ASIC2: variants seen among roughly 807,000 people sequenced by gnomAD.
ASIC2 encodes the protein acid sensing ion channel subunit 2.
In ASIC2, 25 loss-of-function variants were observed where a neutral mutation model predicts 57.3. The observed-to-expected ratio is 0.44, with a 90% CI of 0.32 to 0.61. The LOEUF is 0.61. ASIC2 is among the 20% of genes least tolerant of loss of function. ASIC2 has a pLI of 0.06. For synonymous variants in ASIC2, 319 were observed against 307.5 expected, an observed-to-expected ratio of 1.04 and a Z score of -0.39; for missense variants, 641 against 738.1, an observed-to-expected ratio of 0.87 and a Z score of 1.52.
At chr17:33,976,131 C>T (rs1905376538) in intron 1 of ASIC2, among the ~76,000 whole-genome samples, 1 of 148,876 alleles carries the variant, frequency 6.7e-6, no homozygotes, top group Non-Finnish European at 1.5e-5. Context: ...ATTAATACCC[C>T]ATTTACAGAT....
intron 1 of ASIC2, among the ~76,000 whole-genome samples, chr17:33,456,327 A>G (rs1001657196): frequency 6.6e-6 from 1 of 151,584 alleles, no homozygotes; most frequent in Admixed American, 6.6e-5. Flanking sequence ...ACCAGCCCCC[A>G]ATATCTCTTA....
chr17:33,769,843 C>T (rs567691609), intron 1 of ASIC2, among the ~76,000 whole-genome samples: 1 of 152,350 alleles, frequency 6.6e-6, no homozygotes, highest in East Asian at 1.9e-4. Context: ...CATCTTCTCA[C>T]TGTGTCCTCA....
chr17:33,615,243 G>T (rs981936238), intron 1 of ASIC2, among the ~76,000 whole-genome samples: 1 of 152,132 alleles, frequency 6.6e-6, no homozygotes, highest in Admixed American at 6.5e-5. Flanking sequence ...ATTTCAATGT[G>T]CATTGCCAAT....
At chr17:33,028,493 C>A in intron 3 of ASIC2, 101 bp from the exon 4 acceptor site, 1 of 1,423,356 alleles carries the variant, frequency 7.0e-7, no homozygotes, top group Admixed American at 2.0e-5. Context: ...CATTTAAATA[C>A]CATTAACTTT....
intron 1 of ASIC2, among the ~76,000 whole-genome samples, chr17:34,065,337 C>A (rs564581240): frequency 5.3e-5 from 8 of 151,780 alleles, no homozygotes; most frequent in Non-Finnish European, 1.2e-4. Flanking sequence ...GAGGATGCAA[C>A]GGATGTTGGG....
chr17:33,415,444 T>A (rs1460038592), intron 1 of ASIC2, among the ~76,000 whole-genome samples: 1 of 152,234 alleles, frequency 6.6e-6, no homozygotes, highest in Non-Finnish European at 1.5e-5. Flanking sequence ...TATTTTTGAA[T>A]ATTTTAATCT....
At chr17:34,047,324 T>C (rs558125322) in intron 1 of ASIC2, among the ~76,000 whole-genome samples, 5 of 152,060 alleles carry the variant, frequency 3.3e-5, no homozygotes, top group Non-Finnish European at 7.4e-5. Flanking sequence ...TCAACCTTCA[T>C]GAAGCCTACA....
rs577586592 is a variant in ASIC2 at position 33,137,251 on chromosome 17, C to T, written c.709-25184G>A. ...TGCTGTGGTCTAATAGGTTAGAAAACGCTGGGCTAGCTAGGGTTAAAGATG... is the reference window on the plus strand; with the variant it reads ...TGCTGTGGTCTAATAGGTTAGAAAATGCTGGGCTAGCTAGGGTTAAAGATG... On this transcript the variant is annotated intron_variant, in intron 1 of 9. Transcript: ENST00000225823. Among the ~76,000 whole-genome samples the T allele has an allele frequency of 6.6e-5, 10 of 152,274 alleles. No individual in the cohort carries two copies. In the South Asian group the frequency reaches 8.3e-4, roughly 13 times the overall value.
chr17:33,666,904 AT>A (rs1301233594), intron 1 of ASIC2, among the ~76,000 whole-genome samples: 7 of 152,212 alleles, frequency 4.6e-5, no homozygotes, highest in African/African-American at 1.7e-4. Flanking sequence ...TCAATAAATA[AT>A]GATTGTTTAG....
intron 1 of ASIC2, among the ~76,000 whole-genome samples, chr17:33,999,629 A>G (rs1302464813): frequency 6.6e-6 from 1 of 152,210 alleles, no homozygotes; most frequent in Non-Finnish European, 1.5e-5. Context: ...CTTCAATCAC[A>G]TACAAAAATT....
intron 1 of ASIC2, among the ~76,000 whole-genome samples, chr17:34,030,444 G>A (rs1175277146): frequency 1.3e-5 from 2 of 152,226 alleles, no homozygotes; most frequent in Non-Finnish European, 2.9e-5. Context: ...CAGAAGATGG[G>A]TGATTTCTGC....
At chr17:33,016,814 G>A (rs1175266114) in intron 8 of ASIC2, among the ~76,000 whole-genome samples, 2 of 152,088 alleles carry the variant, frequency 1.3e-5, no homozygotes, top group African/African-American at 4.8e-5. Flanking sequence ...GGAAGTTCTG[G>A]AGCCATTGCC....
chr17:33,228,245 C>G (rs1213879538), intron 1 of ASIC2, among the ~76,000 whole-genome samples: 2 of 152,110 alleles, frequency 1.3e-5, no homozygotes, highest in Admixed American at 6.5e-5. Flanking sequence ...TGGAACTAGA[C>G]AGTGGTGATG....
At chr17:33,896,717 G>A (rs933452489) in intron 1 of ASIC2, among the ~76,000 whole-genome samples, 1 of 152,176 alleles carries the variant, frequency 6.6e-6, no homozygotes, top group Non-Finnish European at 1.5e-5. Context: ...TCACTAATCT[G>A]AATCCTCTCA....
At chr17:33,709,724 T>C (rs534275606) in intron 1 of ASIC2, among the ~76,000 whole-genome samples, 12 of 152,342 alleles carry the variant, frequency 7.9e-5, no homozygotes, top group African/African-American at 2.9e-4. Context: ...TAATTTGCAG[T>C]AGCTTTTGCA....
intron 1 of ASIC2, among the ~76,000 whole-genome samples, chr17:33,642,213 C>A (rs900630162): frequency 2.0e-5 from 3 of 149,622 alleles, no homozygotes; most frequent in Non-Finnish European, 4.5e-5. Flanking sequence ...GGACACCCCC[C>A]CCCCCCCCAC....
At chr17:33,363,227 C>T (rs1455610766) in intron 1 of ASIC2, among the ~76,000 whole-genome samples, 1 of 152,162 alleles carries the variant, frequency 6.6e-6, no homozygotes. Flanking sequence ...TCTCAATTGA[C>T]TCACCCACAG....
At chr17:33,674,407 A>G (rs548816298) in intron 1 of ASIC2, among the ~76,000 whole-genome samples, 1 of 152,348 alleles carries the variant, frequency 6.6e-6, no homozygotes, top group East Asian at 1.9e-4. Flanking sequence ...GTTTGTTTAC[A>G]TGACAGATAC....
chr17:33,598,124 T>C (rs1402008663), intron 1 of ASIC2, among the ~76,000 whole-genome samples: 1 of 152,204 alleles, frequency 6.6e-6, no homozygotes, highest in Admixed American at 6.5e-5. Context: ...AATAGACACC[T>C]TCACATACCT....
Sources: allele counts gnomAD v4.1 joint callset (sites outside exome capture counted in the v4.1 genomes callset), GRCh38; gene constraint gnomAD v4.1.1; transcripts MANE v1.5; gene names NCBI Gene and HGNC (gene_info 2026-07-23, HGNC 2026-07-21).